The following NAF1 variants were observed in gnomAD, a reference collection of about 807,000 sequenced individuals.
NAF1 encodes H/ACA ribonucleoprotein complex non-core subunit NAF1.
NAF1 carries 11 observed loss-of-function variants against 40.6 expected under a neutral mutation model. The ratio of observed to expected loss-of-function variants is 0.27; its 90% CI spans 0.17 to 0.45. The LOEUF (loss-of-function observed/expected upper bound fraction) is 0.45. NAF1 is among the 20% of genes least tolerant of loss of function. The probability of loss-of-function intolerance (pLI) is 1.00; values close to 1 mark genes in which losing one functional copy is unlikely to be tolerated. For synonymous variants in NAF1, 260 were observed against 228.5 expected (o/e 1.14, Z -1.24); for missense variants, 607 against 611.1 (o/e 0.99, Z 0.07).
At chr4:163,153,223 G>GGAGT (rs1263259375) in intron 2 of NAF1, among the ~76,000 whole-genome samples, 1 of 152,198 alleles carries the variant, frequency 6.6e-6, no homozygotes, top group Non-Finnish European at 1.5e-5. Context: ...CAAGGGCTGA[G>GGAGT]GAGTACGAGC....
rs766636210 is a variant in NAF1 at position 163,133,297 on chromosome 4, T to A, written c.931-41A>T. The A allele has an allele frequency of 2.6e-6, 4 of 1,530,748 alleles. No individual in the cohort carries two copies. In the African/African-American group the frequency reaches 4.1e-5, roughly 16 times the overall value. 94.8% of individuals were successfully genotyped at this position (1,530,748 alleles called of 1,614,324 possible). Reference sequence around the variant, plus strand: ...ATATAATAGGTTTATGTTACATGAATTTGCCAATTCAATAGTACATACTTG... The same window carrying A: ...ATATAATAGGTTTATGTTACATGAAATTGCCAATTCAATAGTACATACTTG... On this transcript the variant is annotated intron_variant, in intron 6 of 7. Transcript: ENST00000274054.
At chr4:163,140,529 T>C in intron 4 of NAF1, 146 bp from the exon 5 acceptor site, 9 of 630,026 alleles carry the variant, frequency 1.4e-5, no homozygotes, top group South Asian at 4.3e-5. Flanking sequence ...TTTTTAGTTA[T>C]ATTTATGTCA....
At chr4:163,115,916 C>A (rs934923160) in intron 2 of NAF1, among the ~76,000 whole-genome samples, 3 of 152,150 alleles carry the variant, frequency 2.0e-5, no homozygotes, top group African/African-American at 4.8e-5. Context: ...TTTCTATGCA[C>A]AATTTTAAAA....
At chr4:163,139,701 T>A (rs940620938) in intron 5 of NAF1, among the ~76,000 whole-genome samples, 1 of 152,086 alleles carries the variant, frequency 6.6e-6, no homozygotes, top group Non-Finnish European at 1.5e-5. Context: ...GTCAACTCCA[T>A]ACACCGTAAC....
intron 2 of NAF1, 151 bp downstream of exon 2, chr4:163,164,066 A>T: frequency 1.0e-6 from 1 of 984,916 alleles, no homozygotes; most frequent in African/African-American, 1.7e-5. Flanking sequence ...TCTCTTTTAC[A>T]TAAGAAAGCC....
chr4:163,117,049 C>T (rs984210516), intron 2 of NAF1, among the ~76,000 whole-genome samples: 1 of 152,208 alleles, frequency 6.6e-6, no homozygotes, highest in African/African-American at 2.4e-5. Context: ...CATCCTTGTA[C>T]ACTCTTCATA....
chr4:163,163,528 T>C (rs918607579), intron 2 of NAF1, among the ~76,000 whole-genome samples: 1 of 152,154 alleles, frequency 6.6e-6, no homozygotes, highest in African/African-American at 2.4e-5. Flanking sequence ...GCCTACATTC[T>C]GAAATTCTGA....
intron 2 of NAF1, among the ~76,000 whole-genome samples, chr4:163,117,718 C>CAT (rs1553957218): frequency 7.1e-6 from 1 of 141,174 alleles, no homozygotes; most frequent in East Asian, 2.0e-4. Flanking sequence ...CACACACACA[C>CAT]GCATGAATAC....
chr4:163,140,561 T>C (rs1341825250), intron 4 of NAF1, among the ~76,000 whole-genome samples, 178 bp from the exon 5 acceptor site: 1 of 152,216 alleles, frequency 6.6e-6, no homozygotes, highest in Non-Finnish European at 1.5e-5. Flanking sequence ...TCAGTCTTCA[T>C]ATATTGATTA....
downstream of NAF1, chr4:163,127,092 A>C (rs1474174242): frequency 5.8e-6 from 9 of 1,551,608 alleles, no homozygotes; most frequent in Non-Finnish European, 7.0e-6. Flanking sequence ...CCGAGGCCAC[A>C]ATATCTGTGA....
chr4:163,154,774 G>C (rs1731901345), intron 2 of NAF1, among the ~76,000 whole-genome samples: 1 of 152,146 alleles, frequency 6.6e-6, no homozygotes, highest in Non-Finnish European at 1.5e-5. Context: ...AGGAGGCTGA[G>C]GCAGGAGAAT....
rs542827887 is a variant in NAF1 at position 163,149,015 on chromosome 4, T to A, written c.541-581A>T. 5.0e-4 allele frequency among the ~76,000 whole-genome samples: 76 copies of A among 152,284 alleles called. 1 individual carries two copies. The highest frequency in any genetic ancestry group is 1.7e-3 in the South Asian group (8 of 4,830). ...TATAGGCTTTAGCCTATAAAAACTA[T>A]GAAGGTGTTGCCTGATACCTTCTCT... On this transcript the variant is annotated intron_variant, in intron 2 of 7. Transcript: ENST00000274054.
At position 163,164,377 on chromosome 4, in the gene NAF1, T is replaced by C; in HGVS notation, c.380A>G (p.Asp127Gly). 1 of 1,572,710 alleles carries C rather than the reference T, an allele frequency of 6.4e-7. No individual in the cohort carries two copies. Among genetic ancestry groups the C allele is most frequent in the Non-Finnish European group, 8.6e-7 (1 of 1,160,874 alleles). Residue 127 changes from aspartate (D) to glycine (G), a missense_variant, in exon 2 of 8, where the codon GAT (aspartate) becomes GGT (glycine). This residue lies in a region of NAF1 where 407 missense variants were observed against 365.5 expected (regional missense o/e 1.11). Transcript: ENST00000274054. ...DSDSDSETDS[D>G]SSSSSSSSSS... is the part of the protein sequence containing the mutation. ...AGAGGAAGACGATGAACTTGAACTA[T>C]CTGAATCTGTTTCACTGTAGGGAAG...
chr4:163,157,819 T>C (rs1345571177), intron 2 of NAF1, among the ~76,000 whole-genome samples: 1 of 151,960 alleles, frequency 6.6e-6, no homozygotes, highest in Non-Finnish European at 1.5e-5. Context: ...AAAAATGAGG[T>C]TATAGACATA....
chr4:163,122,481 CTATGTCCCACTAGTACA>C (rs1203348195), downstream of NAF1, among the ~76,000 whole-genome samples: 1 of 152,182 alleles, frequency 6.6e-6, no homozygotes, highest in African/African-American at 2.4e-5. Flanking sequence ...TACATCTTCC[CTATGTCCCACTAGTACA>C]TATTAATAAT....
intron 2 of NAF1, among the ~76,000 whole-genome samples, chr4:163,154,603 T>C (rs1025966260): frequency 6.6e-6 from 1 of 152,158 alleles, no homozygotes; most frequent in Non-Finnish European, 1.5e-5. Flanking sequence ...CCAGGAATGG[T>C]GGCTCATGCC....
chr4:163,166,662 T>C lies in NAF1; in HGVS notation c.66A>G (p.Gly22=). 2 of 1,613,536 alleles carry C rather than the reference T, an allele frequency of 1.2e-6. No homozygotes were observed. The highest frequency in any genetic ancestry group is 1.7e-6 in the Non-Finnish European group (2 of 1,179,960). The part of the protein sequence containing the change: ...ETLKFNGTDF[G]VGEGPAAPSP... ...ACGGAGCCGCCGGACCTTCCCCAAC[T>C]CCAAAGTCGGTGCCATTGAATTTCA... The change falls in exon 1 of 8, where the codon GGA becomes GGG. Residue 22 remains glycine (G), a synonymous_variant. Coordinates refer to ENST00000274054, the MANE Select transcript of NAF1 (RefSeq NM_138386.3).
intron 2 of NAF1, among the ~76,000 whole-genome samples, chr4:163,155,398 A>T (rs766265490): frequency 2.6e-5 from 4 of 152,220 alleles, no homozygotes; most frequent in Non-Finnish European, 5.9e-5. Context: ...ATTAATATAT[A>T]TCTATTAGAT....
In NAF1 at chr4:163,149,715, G is replaced by A. The variant is rs569370042; in HGVS notation, c.541-1281C>T. On this transcript the variant is annotated intron_variant, in intron 2 of 7. Coordinates refer to ENST00000274054, the MANE Select transcript of NAF1 (RefSeq NM_138386.3). Reference sequence around the variant, plus strand: ...TTAAACGTGGAAAGCCTTATCTTGGGAAGACCATGGTTTGAAAATGGTTCA... The same window carrying A: ...TTAAACGTGGAAAGCCTTATCTTGGAAAGACCATGGTTTGAAAATGGTTCA... Among the ~76,000 whole-genome samples, 3 of 152,252 alleles carry A rather than the reference G, an allele frequency of 2.0e-5. No homozygotes were observed. In the South Asian group the frequency reaches 6.2e-4, roughly 32 times the overall value.
Sources: gnomAD v4.1 joint callset for allele counts (sites outside exome capture counted in the v4.1 genomes callset) on GRCh38, gnomAD v4.1.1 for gene constraint, gnomAD v4.1.1 regional missense constraint, MANE v1.5 for transcripts, NCBI Gene and HGNC (gene_info 2026-07-23, HGNC 2026-07-21) for gene names.